The following VWA3A variants were observed in gnomAD, a reference collection of about 807,000 sequenced individuals.
The protein encoded by VWA3A is von Willebrand factor A domain containing 3A, also known as von Willebrand factor A domain-containing protein 3A.
VWA3A carries 134 observed loss-of-function variants against 160.4 expected under a neutral mutation model. The observed-to-expected ratio is 0.84, with a 90% confidence interval of 0.73 to 0.96. The LOEUF is 0.96. Among genes scored for constraint, VWA3A ranks in the 40% least tolerant of loss-of-function variants. VWA3A has a pLI of 0.00. For synonymous variants in VWA3A, 476 were observed against 543.4 expected, an observed-to-expected ratio of 0.88 and a Z score of 1.72; for missense variants, 1,310 against 1,447.9, an observed-to-expected ratio of 0.90 and a Z score of 1.55.
chr16:22,123,666 C>T lies in VWA3A; in HGVS notation c.1491C>T (p.Ser497=), dbSNP rs758165699. 6.8e-6 allele frequency: 11 copies of T among 1,613,810 alleles called. No individual in the cohort carries two copies. The highest frequency in any genetic ancestry group is 9.3e-6 in the Non-Finnish European group (11 of 1,179,874). ...RMYERRIEWL[S]LASRRIWGTV... is the part of the protein sequence containing the mutation. Reference sequence around the variant, plus strand: ...ATGAGAGGCGGATTGAGTGGCTCTCCCTGGCCAGCAGAAGAATCTGGGGCA... The same window carrying T: ...ATGAGAGGCGGATTGAGTGGCTCTCTCTGGCCAGCAGAAGAATCTGGGGCA... Residue 497 remains serine (S), a synonymous_variant, in exon 16 of 34, where the codon TCC becomes TCT. Coordinates refer to ENST00000389398, the MANE Select transcript of VWA3A (RefSeq NM_173615.5).
intron 5 of VWA3A, among the ~76,000 whole-genome samples, chr16:22,102,354 TA>T (rs2045420182): frequency 7.0e-6 from 1 of 142,908 alleles, no homozygotes; most frequent in African/African-American, 2.4e-5. Context: ...CTGTCTCAAA[TA>T]AAAAGAAGAA....
chr16:22,118,231 T>C (rs2045676635), intron 11 of VWA3A, among the ~76,000 whole-genome samples: 1 of 152,152 alleles, frequency 6.6e-6, no homozygotes, highest in Non-Finnish European at 1.5e-5. Flanking sequence ...CAGTGACCAA[T>C]GATTGCACCA....
intron 15 of VWA3A, 23 bp from the exon 16 acceptor site, chr16:22,123,590 C>T: frequency 6.2e-7 from 1 of 1,613,814 alleles, no homozygotes. Context: ...AGCAGCCGCT[C>T]ACTGTGGCCC....
intron 11 of VWA3A, among the ~76,000 whole-genome samples, chr16:22,117,866 G>A (rs969532840): frequency 6.6e-6 from 1 of 152,168 alleles, no homozygotes; most frequent in African/African-American, 2.4e-5. Context: ...CCAAGCTCAG[G>A]CAGCACTCTA....
chr16:22,123,837 C>A, intron 16 of VWA3A, 130 bp downstream of exon 16: 2 of 813,132 alleles, frequency 2.5e-6, no homozygotes, highest in Non-Finnish European at 3.9e-6. Context: ...AATCTCTCAG[C>A]AGAACCCCCA....
intron 16 of VWA3A, 101 bp downstream of exon 16, chr16:22,123,808 A>T: frequency 1.7e-6 from 2 of 1,155,328 alleles, no homozygotes; most frequent in Non-Finnish European, 2.5e-6. Flanking sequence ...AGAAGCCATC[A>T]CTTAGATTAG....
rs368424379 is a variant in VWA3A at position 22,140,209 on chromosome 16, G to A, written c.2348G>A (p.Trp783Ter). 6 of 1,613,658 alleles carry A rather than the reference G, an allele frequency of 3.7e-6. No individual in the cohort carries two copies. The African/African-American group carries it at 8.0e-5, about 22-fold the overall frequency. ...EKSPPLKSLK[W>*]RPLSSRVGIS... is the part of the protein sequence containing the mutation. ...AGCCCCCCGCTGAAATCTCTGAAATGGCGTCCACTCAGTAGCAGAGTTGGC... is the reference window on the plus strand; with the variant it reads ...AGCCCCCCGCTGAAATCTCTGAAATAGCGTCCACTCAGTAGCAGAGTTGGC... Residue 783 changes from tryptophan (W) to a stop codon, truncating the protein, a stop_gained, in exon 23 of 34, where the codon TGG (tryptophan) becomes TAG (stop). Transcript: ENST00000389398. LOFTEE classifies it high-confidence loss of function.
At chr16:22,108,970 C>T (rs1420098001) in intron 6 of VWA3A, among the ~76,000 whole-genome samples, 3 of 151,994 alleles carry the variant, frequency 2.0e-5, no homozygotes, top group Admixed American at 6.6e-5. Context: ...CCCAGGAGTT[C>T]GAGATCAACC....
Position 22,138,553 on chromosome 16 carries a change from C to T in VWA3A, c.2292+41C>T, listed in dbSNP as rs370712754. ...TAATAACACGCAGAAGATTTGGTTT[C>T]CTGTTTGTCTTCTGGTCTTTCCTGG... is the stretch of plus-strand genomic sequence containing the variant. On this transcript the variant is annotated intron_variant, in intron 22 of 33. Coordinates refer to ENST00000389398, the MANE Select transcript of VWA3A (RefSeq NM_173615.5). The T allele has an allele frequency of 6.6e-5, 107 of 1,611,144 alleles. No individual in the cohort carries two copies. In the African/African-American group the frequency reaches 1.3e-3, roughly 19 times the overall value.
chr16:22,146,469 C>T (rs771917704), intron 27 of VWA3A, 125 bp downstream of exon 27: 4 of 740,798 alleles, frequency 5.4e-6, no homozygotes, highest in Admixed American at 5.3e-5. Flanking sequence ...GAGGATTAGG[C>T]CAGGAACATC....
intron 1 of VWA3A, among the ~76,000 whole-genome samples, chr16:22,094,406 G>C (rs1377663801): frequency 1.3e-5 from 2 of 151,662 alleles, no homozygotes; most frequent in Non-Finnish European, 2.9e-5. Context: ...TTAAAGACTT[G>C]AAAGAGAAAA....
At chr16:22,113,473 C>G (rs1019078089) in intron 8 of VWA3A, among the ~76,000 whole-genome samples, 7 of 148,490 alleles carry the variant, frequency 4.7e-5, no homozygotes, top group Admixed American at 4.1e-4. Flanking sequence ...GATCCGCCCT[C>G]CTTGGCCTCC....
chr16:22,142,655 C>T lies in VWA3A; in HGVS notation c.2495-13C>T. Reference sequence around the variant, plus strand: ...TCCAAACTATAGCAATGACCTCACTCTGCTTCTTCTAGGCTCAGTGTACAA... The same window carrying T: ...TCCAAACTATAGCAATGACCTCACTTTGCTTCTTCTAGGCTCAGTGTACAA... On this transcript the variant is annotated splice_polypyrimidine_tract_variant and intron_variant, in intron 24 of 33. Transcript: ENST00000389398. 6.4e-7 allele frequency: 1 copy of T among 1,552,740 alleles called. No homozygotes were observed.
intron 16 of VWA3A, among the ~76,000 whole-genome samples, 178 bp downstream of exon 16, chr16:22,123,885 A>G (rs922400319): frequency 3.3e-5 from 5 of 152,124 alleles, no homozygotes; most frequent in Non-Finnish European, 5.9e-5. Flanking sequence ...ACTGATGTCA[A>G]TAATGTCATC....
intron 25 of VWA3A, 24 bp from the exon 26 acceptor site, chr16:22,144,223 A>G (rs1352112229): frequency 1.3e-6 from 2 of 1,598,840 alleles, no homozygotes; most frequent in South Asian, 2.3e-5. Context: ...GCCTAAGATA[A>G]TAGTTCTTTC....
chr16:22,108,790 A>C (rs2045514642), intron 6 of VWA3A, among the ~76,000 whole-genome samples: 1 of 152,232 alleles, frequency 6.6e-6, no homozygotes, highest in Non-Finnish European at 1.5e-5. Flanking sequence ...CAGCATTGAC[A>C]AGTAATACAG....
At chr16:22,135,001 A>C (rs1411516266) in intron 21 of VWA3A, among the ~76,000 whole-genome samples, 2 of 152,200 alleles carry the variant, frequency 1.3e-5, no homozygotes, top group African/African-American at 4.8e-5. Context: ...TGATCGCTGG[A>C]GCCCAGGAGT....
At chr16:22,134,245 G>C (rs1189225569) in intron 20 of VWA3A, 123 bp from the exon 21 acceptor site, 5 of 721,464 alleles carry the variant, frequency 6.9e-6, no homozygotes, top group Middle Eastern at 2.4e-4. Context: ...GGGATTACAG[G>C]AGTAAGCCAC....
At chr16:22,155,814 C>G (rs1259749522) in intron 32 of VWA3A, 37 bp from the exon 33 acceptor site, 11 of 1,613,464 alleles carry the variant, frequency 6.8e-6, no homozygotes, top group Admixed American at 3.3e-5. Flanking sequence ...AATCTGGGCA[C>G]CAGGGAGACC....
Sources: gnomAD v4.1 joint callset for allele counts (sites outside exome capture counted in the v4.1 genomes callset) on GRCh38, gnomAD v4.1.1 for gene constraint, MANE v1.5 for transcripts, NCBI Gene and HGNC (gene_info 2026-07-23, HGNC 2026-07-21) for gene names.